PLPPR2: variants seen among roughly 807,000 people sequenced by gnomAD.
The protein encoded by PLPPR2 is phospholipid phosphatase related 2.
In PLPPR2, 11 loss-of-function variants were observed where a neutral mutation model predicts 40.3. That is an observed-to-expected ratio of 0.27 (90% CI 0.17 to 0.45). The LOEUF (loss-of-function observed/expected upper bound fraction) is 0.45. Ranked by LOEUF, PLPPR2 falls within the 20% of genes least tolerant of loss-of-function variation. The pLI is 1.00. For missense variants in PLPPR2, 497 were observed against 640.7 expected (o/e 0.78, Z 2.42); for synonymous variants, 260 against 290.8 (o/e 0.89, Z 1.08).
At chr19:11,355,990 G>A (rs1223047860) in intron 1 of PLPPR2, among the ~76,000 whole-genome samples, 1 of 151,678 alleles carries the variant, frequency 6.6e-6, no homozygotes, top group Non-Finnish European at 1.5e-5. Flanking sequence ...TTGGCCCCCC[G>A]TGTGGCTGCT....
In PLPPR2 at chr19:11,362,109, C is replaced by T. The variant is rs1486552490; in HGVS notation, c.664-404C>T. ...CCCCTAGGGGTCAGGGGCTCCACCT[C>T]CTACAGCTCCTACAGCTCCTACAGC... On this transcript the variant is annotated intron_variant, in intron 6 of 9. Transcript: ENST00000688289. The surrounding 1 kb of genome is among the most constrained non-coding windows in gnomAD (Gnocchi z 5.3). Among the ~76,000 whole-genome samples, 1 of 151,822 alleles carries T rather than the reference C, an allele frequency of 6.6e-6. No individual in the cohort carries two copies. Among genetic ancestry groups the T allele is most frequent in the African/African-American group, 2.4e-5 (1 of 41,240 alleles).
rs2144682027 is a variant in PLPPR2, at chr19:11,364,569, AGCT to A, written c.1247_1249del (p.Leu416del). 1 of 1,536,960 alleles carries A rather than the reference AGCT, an allele frequency of 6.5e-7. No individual in the cohort carries two copies. The highest frequency in any genetic ancestry group is 8.7e-7 in the Non-Finnish European group (1 of 1,146,806). ...GGCGGGGGTGGTGGACGTGGCCGGA[AGCT>A]GCTGCTGCCCACGCCCCTGCTGCGG... On this transcript the variant is annotated inframe_deletion, in exon 10 of 10. Coordinates refer to ENST00000688289, the MANE Select transcript of PLPPR2 (RefSeq NM_001393892.1). The surrounding 1 kb of genome is among the most constrained non-coding windows in gnomAD (Gnocchi z 5.8).
Position 11,362,727 on chromosome 19 carries a change from C to T in PLPPR2, c.840+38C>T, listed in dbSNP as rs775089059. ...CTCAACCTTCCCAGCATGGAAGACC[C>T]TCACCAGCTCTCTGACCCAAGAGGC... is the stretch of plus-strand genomic sequence containing the variant. On this transcript the variant is annotated intron_variant, in intron 7 of 9. Coordinates refer to ENST00000688289, the MANE Select transcript of PLPPR2 (RefSeq NM_001393892.1). The surrounding 1 kb of genome is among the most constrained non-coding windows in gnomAD (Gnocchi z 5.3). 7.6e-6 allele frequency: 12 copies of T among 1,585,786 alleles called. No homozygotes were observed. Among genetic ancestry groups the T allele is most frequent in the Admixed American group, 5.1e-5 (3 of 58,842 alleles).
At chr19:11,360,009 T>C (rs1443866561) in intron 5 of PLPPR2, 53 bp downstream of exon 5, 1 of 1,535,816 alleles carries the variant, frequency 6.5e-7, no homozygotes, top group Non-Finnish European at 8.8e-7. Context: ...GAGGTGGGTA[T>C]AGAAGAAAAG....
In PLPPR2 at chr19:11,359,627, T is replaced by C. The variant is rs369017210; in HGVS notation, c.162T>C (p.Ser54=). 6.8e-6 allele frequency: 11 copies of C among 1,613,086 alleles called. No individual in the cohort carries two copies. Among genetic ancestry groups the C allele is most frequent in the Non-Finnish European group, 9.3e-6 (11 of 1,179,562 alleles). ...CCCAGGGATTCTTCTGCTATGACAG[T>C]ACCTACGCCAAGCCCTACCCAGGGC... The part of the protein sequence containing the change: ...VHTQGFFCYD[S]TYAKPYPGPE... Residue 54 remains serine, a synonymous_variant, in exon 4 of 10, where the codon AGT becomes AGC. Transcript: ENST00000688289. The surrounding 1 kb of genome is among the most constrained non-coding windows in gnomAD (Gnocchi z 5.6).
rs1163394216 is a variant in PLPPR2, at chr19:11,362,664, CAG to C, written c.816_817del (p.Ala274GlyfsTer13). The C allele has an allele frequency of 6.2e-7, 1 of 1,613,112 alleles. No individual in the cohort carries two copies. Among genetic ancestry groups the C allele is most frequent in the Non-Finnish European group, 8.5e-7 (1 of 1,179,346 alleles). On this transcript the variant is annotated frameshift_variant, in exon 7 of 10. Coordinates refer to ENST00000688289, the MANE Select transcript of PLPPR2 (RefSeq NM_001393892.1). LOFTEE classifies it high-confidence loss of function. The surrounding 1 kb of genome is among the most constrained non-coding windows in gnomAD (Gnocchi z 5.3). ...TCGGACGTGCTGGCTGGCTTCCTGACAGGGGCGGCCATCGCCACCTTTTTGGT... is the reference window on the plus strand; with the variant it reads ...TCGGACGTGCTGGCTGGCTTCCTGACGGGCGGCCATCGCCACCTTTTTGGT...
rs868412234 is a variant in PLPPR2, at chr19:11,364,362, C to T, written c.1031C>T (p.Ala344Val). ...TGACCACCAGAGTCGCAGAACTGCG[C>T]CCGCCGTGGCCACCTGATCCCCAGC... ...RLTPSKSQNC[A>V]RRGHLIPSCV... Residue 344 changes from alanine to valine, a missense_variant, in exon 10 of 10, where the codon GCC (alanine) becomes GTC (valine). Transcript: ENST00000688289. The surrounding 1 kb of genome is among the most constrained non-coding windows in gnomAD (Gnocchi z 5.8). 3 of 1,519,752 alleles carry T rather than the reference C, an allele frequency of 2.0e-6. No individual in the cohort carries two copies. The highest frequency in any genetic ancestry group is 3.5e-4 in the Middle Eastern group (2 of 5,644). 94.1% of individuals were successfully genotyped at this position (1,519,752 alleles called of 1,614,324 possible). A position where few individuals can be genotyped will look rare whatever the true frequency, so the allele number is the denominator to read the frequency against.
intron 2 of PLPPR2, among the ~76,000 whole-genome samples, 196 bp from the exon 3 acceptor site, chr19:11,357,464 G>A (rs953678992): frequency 6.6e-6 from 1 of 151,936 alleles, no homozygotes; most frequent in Non-Finnish European, 1.5e-5. Flanking sequence ...TCCCCAGTAG[G>A]GTCAGGACCA....
Position 11,359,534 on chromosome 19 carries a change from G to A in PLPPR2, c.69G>A (p.Ser23=), listed in dbSNP as rs1454917137. 13 of 1,535,168 alleles carry A rather than the reference G, an allele frequency of 8.5e-6. No homozygotes were observed. The highest frequency in any genetic ancestry group is 7.9e-5 in the Admixed American group (4 of 50,918). ...TCCCCGCCCTGGCTTGGTGGCAGTC[G>A]GTGCTGCTGGGCATTGTGATCCTGC... ...SIIPCFVFVE[S]VLLGIVILLA... Residue 23 remains serine (S), a splice_region_variant and synonymous_variant, in exon 4 of 10, where the codon TCG becomes TCA. Transcript: ENST00000688289. This position sits in a 1 kb window ranked among gnomAD's most constrained non-coding sequence, Gnocchi z 5.6.
chr19:11,363,331 T>A lies in PLPPR2; in HGVS notation c.841-382T>A, dbSNP rs1186306972. The stretch of plus-strand genomic sequence containing the variant: ...TGGGAATGGTGGTGCACACCTGTGG[T>A]CCCAGCTACTCAGGAGGCTGAGGCA... On this transcript the variant is annotated intron_variant, in intron 7 of 9. Transcript: ENST00000688289. This position sits in a 1 kb window ranked among gnomAD's most constrained non-coding sequence, Gnocchi z 4.8. Among the ~76,000 whole-genome samples, 1 of 151,110 alleles carries A rather than the reference T, an allele frequency of 6.6e-6. No individual in the cohort carries two copies. The highest frequency in any genetic ancestry group is 1.5e-5 in the Non-Finnish European group (1 of 67,862).
In PLPPR2 at chr19:11,361,982, T is replaced by A. The variant is rs1323440880; in HGVS notation, c.663+494T>A. 6.6e-6 allele frequency among the ~76,000 whole-genome samples: 1 copy of A among 152,060 alleles called. No individual in the cohort carries two copies. Among genetic ancestry groups the A allele is most frequent in the Non-Finnish European group, 1.5e-5 (1 of 67,984 alleles). On this transcript the variant is annotated intron_variant, in intron 6 of 9. Transcript: ENST00000688289. This position sits in a 1 kb window ranked among gnomAD's most constrained non-coding sequence, Gnocchi z 6.3. ...CCACGCCCCTTGCTCTTAACTGCTC[T>A]GGGATTTCTAACTCTGTCCCCTGCT...
Position 11,359,791 on chromosome 19 carries a change from C to A in PLPPR2, c.256-30C>A. 1 of 1,594,572 alleles carries A rather than the reference C, an allele frequency of 6.3e-7. No individual in the cohort carries two copies. The highest frequency in any genetic ancestry group is 8.6e-7 in the Non-Finnish European group (1 of 1,166,162). On this transcript the variant is annotated intron_variant, in intron 4 of 9. Transcript: ENST00000688289. The surrounding 1 kb of genome is among the most constrained non-coding windows in gnomAD (Gnocchi z 5.6). Reference sequence around the variant, plus strand: ...TGGGTGAGGGGATGGGCTGGAAGGCCAGAAGACTCCATCTTGGTCTTGCCC... The same window carrying A: ...TGGGTGAGGGGATGGGCTGGAAGGCAAGAAGACTCCATCTTGGTCTTGCCC...
At position 11,362,767 on chromosome 19, in the gene PLPPR2, G is replaced by A; in HGVS notation, c.840+78G>A. On this transcript the variant is annotated intron_variant, in intron 7 of 9. Transcript: ENST00000688289. This position sits in a 1 kb window ranked among gnomAD's most constrained non-coding sequence, Gnocchi z 5.3. Reference sequence around the variant, plus strand: ...ACCCAAGAGGCAGGACCACATGATGGAGAAGGGTGTGGACTCTGTGTGACC... The same window carrying A: ...ACCCAAGAGGCAGGACCACATGATGAAGAAGGGTGTGGACTCTGTGTGACC... The A allele has an allele frequency of 6.7e-7, 1 of 1,498,082 alleles. No individual in the cohort carries two copies. Among genetic ancestry groups the A allele is most frequent in the Non-Finnish European group, 9.0e-7 (1 of 1,105,060 alleles). 92.8% of individuals were successfully genotyped at this position (1,498,082 alleles called of 1,614,324 possible).
In PLPPR2 at chr19:11,363,343, A is replaced by G. The variant is rs147487846; in HGVS notation, c.841-370A>G. Among the ~76,000 whole-genome samples, 591 of 151,696 alleles carry G rather than the reference A, an allele frequency of 3.9e-3. 5 individuals carry two copies. Among genetic ancestry groups the G allele is most frequent in the African/African-American group, 0.014 (572 of 41,342 alleles). Reference sequence around the variant, plus strand: ...TGCACACCTGTGGTCCCAGCTACTCAGGAGGCTGAGGCAAGAGAGTTGCTT... The same window carrying G: ...TGCACACCTGTGGTCCCAGCTACTCGGGAGGCTGAGGCAAGAGAGTTGCTT... On this transcript the variant is annotated intron_variant, in intron 7 of 9. Coordinates refer to ENST00000688289, the MANE Select transcript of PLPPR2 (RefSeq NM_001393892.1). This position sits in a 1 kb window ranked among gnomAD's most constrained non-coding sequence, Gnocchi z 4.8.
chr19:11,355,730 G>T (rs1204549808), intron 1 of PLPPR2, among the ~76,000 whole-genome samples, 158 bp downstream of exon 1: 3 of 152,150 alleles, frequency 2.0e-5, no homozygotes, highest in Non-Finnish European at 4.4e-5. Flanking sequence ...CGGGCTGGGG[G>T]AGGGGACCCC....
In PLPPR2 at chr19:11,362,756, A is replaced by G; in HGVS notation, c.840+67A>G. ...CCAGCTCTCTGACCCAAGAGGCAGG[A>G]CCACATGATGGAGAAGGGTGTGGAC... is the stretch of plus-strand genomic sequence containing the variant. On this transcript the variant is annotated intron_variant, in intron 7 of 9. Coordinates refer to ENST00000688289, the MANE Select transcript of PLPPR2 (RefSeq NM_001393892.1). This position sits in a 1 kb window ranked among gnomAD's most constrained non-coding sequence, Gnocchi z 5.3. 1 of 1,537,574 alleles carries G rather than the reference A, an allele frequency of 6.5e-7. No individual in the cohort carries two copies. Among genetic ancestry groups the G allele is most frequent in the Non-Finnish European group, 8.8e-7 (1 of 1,133,792 alleles).
chr19:11,357,730 C>G lies in PLPPR2; in HGVS notation c.57C>G (p.Val19=). 6.2e-7 allele frequency: 1 copy of G among 1,605,586 alleles called. No homozygotes were observed. Among genetic ancestry groups the G allele is most frequent in the South Asian group, 1.1e-5 (1 of 89,342 alleles). The change falls in exon 3 of 10, where the codon GTC becomes GTG. Residue 19 remains valine, a synonymous_variant. Coordinates refer to ENST00000688289, the MANE Select transcript of PLPPR2 (RefSeq NM_001393892.1). The stretch of plus-strand genomic sequence containing the variant: ...GTTTCTCCATCATCCCCTGCTTTGT[C>G]TTCGTGGAGGTGAGGACCCCCGTAC... The part of the protein sequence containing the change: ...KRSFSIIPCF[V]FVESVLLGIV...
At position 11,361,422 on chromosome 19, in the gene PLPPR2, C is replaced by T. The variant is rs755639166; in HGVS notation, c.597C>T (p.Ala199=). 6 of 1,606,210 alleles carry T rather than the reference C, an allele frequency of 3.7e-6. No homozygotes were observed. In the South Asian group the frequency reaches 6.6e-5, roughly 18 times the overall value. ...GACAGSPSLV[A]AARRAFPCKD... ...GCGCTGGCAGTCCCAGCCTCGTGGCCGCCGCGCGCCGCGCCTTCCCCTGCA... is the reference window on the plus strand; with the variant it reads ...GCGCTGGCAGTCCCAGCCTCGTGGCTGCCGCGCGCCGCGCCTTCCCCTGCA... The change falls in exon 6 of 10, where the codon GCC becomes GCT. Residue 199 remains alanine (A), a synonymous_variant. Transcript: ENST00000688289. This position sits in a 1 kb window ranked among gnomAD's most constrained non-coding sequence, Gnocchi z 6.3.
Position 11,362,322 on chromosome 19 carries a change from C to A in PLPPR2, c.664-191C>A, listed in dbSNP as rs3745689. 58 of 558,886 alleles carry A rather than the reference C, an allele frequency of 1.0e-4. 3 individuals are homozygous for A. In the Middle Eastern group the frequency reaches 1.4e-3, roughly 13 times the overall value. 34.6% of individuals were successfully genotyped at this position (558,886 alleles called of 1,614,324 possible). On this transcript the variant is annotated intron_variant, in intron 6 of 9. Coordinates refer to ENST00000688289, the MANE Select transcript of PLPPR2 (RefSeq NM_001393892.1). This position sits in a 1 kb window ranked among gnomAD's most constrained non-coding sequence, Gnocchi z 5.3. ...GACTCCAAGACCTCAATCCCTGACC[C>A]CCCCCCCTTTGCCTTTTTGGTCACG...
Sources: allele counts gnomAD v4.1 joint callset (sites outside exome capture counted in the v4.1 genomes callset), GRCh38; gene constraint gnomAD v4.1.1; non-coding constraint Gnocchi (gnomAD v3.1); transcripts MANE v1.5; gene names NCBI Gene and HGNC (gene_info 2026-07-23, HGNC 2026-07-21).